The following UNC13A variants were observed in gnomAD, a reference collection of about 807,000 sequenced individuals.
UNC13A encodes unc-13 homolog A, also known as protein unc-13 homolog A.
Under a neutral mutation model 219.7 loss-of-function variants are expected in UNC13A, and 61 were observed. That is an observed-to-expected ratio of 0.28 (90% CI 0.23 to 0.34). The LOEUF (loss-of-function observed/expected upper bound fraction) is 0.34. Among genes scored for constraint, UNC13A ranks in the 10% least tolerant of loss-of-function variants. UNC13A has a pLI of 1.00. For missense variants in UNC13A, 1,476 were observed against 2,270.3 expected, an observed-to-expected ratio of 0.65 and a Z score of 7.11; for synonymous variants, 920 against 884.6, an observed-to-expected ratio of 1.04 and a Z score of -0.71.
At chr19:17,667,556 T>C (rs2079679973) in intron 6 of UNC13A, among the ~76,000 whole-genome samples, 1 of 151,868 alleles carries the variant, frequency 6.6e-6, no homozygotes, top group Admixed American at 6.6e-5. Flanking sequence ...TCACTGCAAC[T>C]TCTGCCTCCC....
intron 7 of UNC13A, among the ~76,000 whole-genome samples, chr19:17,665,276 T>C (rs908568506): frequency 2.0e-5 from 3 of 151,894 alleles, no homozygotes; most frequent in Admixed American, 2.0e-4. Flanking sequence ...AGTGGGGTTT[T>C]GGTGTCAGCA....
intron 43 of UNC13A, among the ~76,000 whole-genome samples, chr19:17,608,635 A>G (rs2144912788): frequency 6.6e-6 from 1 of 150,580 alleles, no homozygotes; most frequent in South Asian, 2.1e-4. Context: ...CTCCTGCCTC[A>G]GCCTCCCGAG....
chr19:17,683,388 T>C (rs1404563982), intron 1 of UNC13A, among the ~76,000 whole-genome samples: 5 of 152,014 alleles, frequency 3.3e-5, no homozygotes, highest in Non-Finnish European at 7.4e-5. Flanking sequence ...TCTCAGTACA[T>C]TGGGAGGCCG....
Position 17,649,445 on chromosome 19 carries a change from A to C in UNC13A, c.1518+64T>G, listed in dbSNP as rs1477778404. ...CCCCAGGTTGACCATGGGCAGTTCCACAGGTTGTGCACTGCTTATAGCAGG... is the reference window on the plus strand; with the variant it reads ...CCCCAGGTTGACCATGGGCAGTTCCCCAGGTTGTGCACTGCTTATAGCAGG... On this transcript the variant is annotated intron_variant, in intron 13 of 43. Coordinates refer to ENST00000519716, the MANE Select transcript of UNC13A (RefSeq NM_001080421.3). This position sits in a 1 kb window ranked among gnomAD's most constrained non-coding sequence, Gnocchi z 4.4. 1 of 1,613,268 alleles carries C rather than the reference A, an allele frequency of 6.2e-7. No homozygotes were observed. Among genetic ancestry groups the C allele is most frequent in the Non-Finnish European group, 8.5e-7 (1 of 1,179,412 alleles).
intron 43 of UNC13A, among the ~76,000 whole-genome samples, chr19:17,607,452 G>A (rs1483615406): frequency 8.0e-6 from 1 of 124,310 alleles, no homozygotes; most frequent in Non-Finnish European, 1.7e-5. Context: ...TAGTACAGAT[G>A]GGGGTGGCGG....
chr19:17,609,358 G>T (rs1360656076), intron 43 of UNC13A, among the ~76,000 whole-genome samples: 1 of 151,772 alleles, frequency 6.6e-6, no homozygotes, highest in Admixed American at 6.6e-5. Context: ...CCAACTCCAA[G>T]AACCTCCATC....
At chr19:17,646,885 T>A (rs151259580) in intron 17 of UNC13A, among the ~76,000 whole-genome samples, 8 of 149,364 alleles carry the variant, frequency 5.4e-5, no homozygotes, top group Admixed American at 2.0e-4. Context: ...GGCCCCAGGA[T>A]GGGCTGACCC....
intron 40 of UNC13A, among the ~76,000 whole-genome samples, chr19:17,618,165 C>G (rs1183915554): frequency 6.6e-6 from 1 of 152,176 alleles, no homozygotes; most frequent in Non-Finnish European, 1.5e-5. Context: ...TTGGGCTCCC[C>G]CAGCCCACAT....
chr19:17,648,694 C>T (rs1426603224), intron 15 of UNC13A, 44 bp from the exon 16 acceptor site: 3 of 1,580,280 alleles, frequency 1.9e-6, no homozygotes, highest in Non-Finnish European at 8.6e-7. Flanking sequence ...CCTAACCTGG[C>T]GCTGTCCCTG....
intron 43 of UNC13A, among the ~76,000 whole-genome samples, chr19:17,608,392 A>AT (rs2076561112): frequency 1.5e-5 from 2 of 135,274 alleles, no homozygotes; most frequent in African/African-American, 2.8e-5. Context: ...AAATATATAT[A>AT]TATTTATATA....
At chr19:17,619,149 G>T in intron 38 of UNC13A, 187 bp from the exon 39 acceptor site, 1 of 606,208 alleles carries the variant, frequency 1.6e-6, no homozygotes. Context: ...GAAAATCCCG[G>T]TCCTGTGAGG....
Position 17,672,428 on chromosome 19 carries a change from T to C in UNC13A, c.220A>G (p.Met74Val), listed in dbSNP as rs1291632515. 13 of 1,613,870 alleles carry C rather than the reference T, an allele frequency of 8.1e-6. No homozygotes were observed. The highest frequency in any genetic ancestry group is 1.3e-5 in the African/African-American group (1 of 75,026). ...AGTGGGATCCACACAGTGCCCACCA[T>C]TGTGTCCCAGATGAGACCCTTATTC... Reference protein sequence around the residue: ...VWNKGLIWDTMVGTVWIPLRT... With the variant: ...VWNKGLIWDTVVGTVWIPLRT... The change falls in exon 4 of 44, where the codon ATG (methionine) becomes GTG (valine). Residue 74 changes from methionine (M) to valine (V), a missense_variant. Coordinates refer to ENST00000519716, the MANE Select transcript of UNC13A (RefSeq NM_001080421.3).
At chr19:17,618,395 G>A in intron 40 of UNC13A, 26 bp downstream of exon 40, 1 of 1,558,812 alleles carries the variant, frequency 6.4e-7, no homozygotes, top group South Asian at 1.2e-5. Context: ...CCCCCACCTG[G>A]GATGGGGAGG....
chr19:17,612,707 G>A (rs998846305), intron 41 of UNC13A, among the ~76,000 whole-genome samples: 9 of 152,128 alleles, frequency 5.9e-5, no homozygotes, highest in African/African-American at 2.2e-4. Context: ...TAGTGGCCAT[G>A]GTGGGGCGTG....
At position 17,604,676 on chromosome 19, in the gene UNC13A, G is replaced by A. The variant is rs1354364882; in HGVS notation, c.*1378C>T. The A allele has an allele frequency of 1.3e-5, 2 of 152,262 alleles. No homozygotes were observed. The highest frequency in any genetic ancestry group is 2.1e-4 in the South Asian group (1 of 4,832). 9.4% of individuals were successfully genotyped at this position (152,262 alleles called of 1,614,324 possible). ...AGATCCCAGAGCAAGTGTAGTCCAC[G>A]CTGAACTTTCCCCTAAGGTCCTATG... On this transcript the variant is annotated 3_prime_UTR_variant, in exon 44 of 44. Coordinates refer to ENST00000519716, the MANE Select transcript of UNC13A (RefSeq NM_001080421.3).
At chr19:17,625,519 C>T (rs1053766530) in intron 34 of UNC13A, among the ~76,000 whole-genome samples, 5 of 152,012 alleles carry the variant, frequency 3.3e-5, no homozygotes, top group African/African-American at 1.2e-4. Context: ...TTCTCTATTT[C>T]TTTTTCTATC....
intron 43 of UNC13A, among the ~76,000 whole-genome samples, chr19:17,607,152 C>T (rs764684185): frequency 7.9e-5 from 12 of 152,174 alleles, no homozygotes; most frequent in Non-Finnish European, 1.2e-4. Context: ...TGTGCTGACA[C>T]GACATGGAAC....
At chr19:17,621,238 C>T (rs1043298901) in intron 37 of UNC13A, among the ~76,000 whole-genome samples, 6 of 152,154 alleles carry the variant, frequency 3.9e-5, no homozygotes, top group African/African-American at 1.2e-4. Flanking sequence ...TGACCCCACA[C>T]GGATTCACAT....
At chr19:17,664,935 C>T (rs544526334) in intron 7 of UNC13A, among the ~76,000 whole-genome samples, 1 of 152,248 alleles carries the variant, frequency 6.6e-6, no homozygotes, top group East Asian at 1.9e-4. Context: ...CATGGTGGCT[C>T]ACACCTGTAA....
Sources: gnomAD v4.1 joint callset for allele counts (sites outside exome capture counted in the v4.1 genomes callset) on GRCh38, gnomAD v4.1.1 for gene constraint, Gnocchi (gnomAD v3.1) non-coding constraint, MANE v1.5 for transcripts, NCBI Gene and HGNC (gene_info 2026-07-23, HGNC 2026-07-21) for gene names.